EMCN: variants seen among roughly 807,000 people sequenced by gnomAD.
The protein encoded by EMCN is MUC-14.
A neutral mutation model predicts 38.4 loss-of-function variants in EMCN; 37 were observed. The ratio of observed to expected loss-of-function variants is 0.96; its 90% CI spans 0.74 to 1.27. EMCN has a LOEUF of 1.27. Ranked by LOEUF, EMCN falls within the 50% of genes most tolerant of loss-of-function variation. The probability of loss-of-function intolerance (pLI) is 0.00; values close to 1 mark genes in which losing one functional copy is unlikely to be tolerated. For synonymous variants in EMCN, 95 were observed against 100.8 expected, an observed-to-expected ratio of 0.94 and a Z score of 0.35; for missense variants, 318 against 302.8, an observed-to-expected ratio of 1.05 and a Z score of -0.37.
intron 11 of EMCN, among the ~76,000 whole-genome samples, chr4:100,404,542 G>A (rs909289726): frequency 5.3e-5 from 8 of 151,710 alleles, no homozygotes; most frequent in African/African-American, 1.7e-4. Flanking sequence ...ATTATTTCAG[G>A]GCTCTCTAAC....
At chr4:100,507,432 C>CT (rs1262041259) in intron 1 of EMCN, among the ~76,000 whole-genome samples, 2 of 152,150 alleles carry the variant, frequency 1.3e-5, no homozygotes, top group East Asian at 1.9e-4. Flanking sequence ...GCCCTAGACT[C>CT]TAACACTTTC....
chr4:100,443,308 C>T (rs1727574627), intron 5 of EMCN, among the ~76,000 whole-genome samples: 1 of 152,224 alleles, frequency 6.6e-6, no homozygotes, highest in Non-Finnish European at 1.5e-5. Flanking sequence ...GATGTAGTTT[C>T]CTTTTTCAAA....
At chr4:100,433,385 G>A (rs866360836) in intron 5 of EMCN, among the ~76,000 whole-genome samples, 14 of 151,980 alleles carry the variant, frequency 9.2e-5, no homozygotes, top group Admixed American at 2.0e-4. Context: ...TAGTTTCTAC[G>A]TCTTGGCTGT....
At chr4:100,437,531 G>C (rs1727390729) in intron 5 of EMCN, among the ~76,000 whole-genome samples, 1 of 151,394 alleles carries the variant, frequency 6.6e-6, no homozygotes, top group Non-Finnish European at 1.5e-5. Context: ...GAGTTTTATA[G>C]TTTCTGGTCT....
At chr4:100,479,875 A>G (rs761831809) in intron 2 of EMCN, 42 bp downstream of exon 2, 24 of 1,548,448 alleles carry the variant, frequency 1.5e-5, no homozygotes, top group Non-Finnish European at 2.1e-5. Flanking sequence ...TACTAATTTT[A>G]TTTGTTAAAG....
At chr4:100,497,829 G>T (rs192541878) in intron 1 of EMCN, among the ~76,000 whole-genome samples, 2 of 151,838 alleles carry the variant, frequency 1.3e-5, no homozygotes, top group African/African-American at 4.8e-5. Flanking sequence ...AAACAAAAGA[G>T]CAAAAAAGAT....
intron 3 of EMCN, among the ~76,000 whole-genome samples, chr4:100,473,045 T>C (rs1038819846): frequency 1.4e-5 from 2 of 147,458 alleles, no homozygotes; most frequent in African/African-American, 4.9e-5. Flanking sequence ...AGGTGGAGTT[T>C]ATTCTGTCGC....
chr4:100,449,362 C>CT (rs1727775359), intron 4 of EMCN, among the ~76,000 whole-genome samples: 1 of 151,946 alleles, frequency 6.6e-6, no homozygotes, highest in Non-Finnish European at 1.5e-5. Flanking sequence ...AAATTAATTT[C>CT]TTAAGGAAAA....
chr4:100,431,273 C>T (rs1369703326), intron 5 of EMCN, among the ~76,000 whole-genome samples: 2 of 152,154 alleles, frequency 1.3e-5, no homozygotes, highest in African/African-American at 4.8e-5. Context: ...ACGCTAGTTG[C>T]TGTAGGAATA....
intron 2 of EMCN, among the ~76,000 whole-genome samples, chr4:100,478,717 A>T (rs1728726714): frequency 6.6e-6 from 1 of 152,176 alleles, no homozygotes; most frequent in South Asian, 2.1e-4. Context: ...TAAAAAGTAA[A>T]ACTTCTCTGA....
intron 1 of EMCN, among the ~76,000 whole-genome samples, chr4:100,493,905 T>G (rs1729147072): frequency 6.6e-6 from 1 of 152,218 alleles, no homozygotes; most frequent in Non-Finnish European, 1.5e-5. Context: ...TCAGAGACTT[T>G]CTTCAAACAT....
Position 100,490,100 on chromosome 4 carries a change from T to C in EMCN, c.65-10061A>G, listed in dbSNP as rs564246859. 4.6e-5 allele frequency among the ~76,000 whole-genome samples: 7 copies of C among 151,952 alleles called. No individual in the cohort carries two copies. The South Asian group carries it at 1.2e-3, about 27-fold the overall frequency. On this transcript the variant is annotated intron_variant, in intron 1 of 11. Coordinates refer to ENST00000296420, the MANE Select transcript of EMCN (RefSeq NM_016242.4). ...GATGTGGAGGTGAAAGAGAGTGATATTGATGATCATAGCCCTGTGTATGGC... is the reference window on the plus strand; with the variant it reads ...GATGTGGAGGTGAAAGAGAGTGATACTGATGATCATAGCCCTGTGTATGGC...
At chr4:100,490,949 C>G (rs1729062145) in intron 1 of EMCN, among the ~76,000 whole-genome samples, 1 of 152,042 alleles carries the variant, frequency 6.6e-6, no homozygotes, top group Non-Finnish European at 1.5e-5. Context: ...TATCTGTTGG[C>G]CATTTATATG....
At chr4:100,475,430 T>C (rs1334060980) in intron 2 of EMCN, among the ~76,000 whole-genome samples, 2 of 151,790 alleles carry the variant, frequency 1.3e-5, no homozygotes, top group African/African-American at 4.8e-5. Flanking sequence ...TTCTAAATTC[T>C]AATGTTTAAA....
intron 1 of EMCN, among the ~76,000 whole-genome samples, chr4:100,516,359 AG>A (rs1729756100): frequency 6.6e-6 from 1 of 152,000 alleles, no homozygotes; most frequent in Non-Finnish European, 1.5e-5. Flanking sequence ...ATGCCGGCAA[AG>A]TATTGCACTC....
chr4:100,464,478 AG>A (rs1023751892), intron 4 of EMCN, among the ~76,000 whole-genome samples: 12 of 152,108 alleles, frequency 7.9e-5, no homozygotes, highest in African/African-American at 2.4e-4. Context: ...CCAGATCTTA[AG>A]GGGAAAACAT....
rs569539960 is a variant in EMCN, at chr4:100,413,755, C to T, written c.751+2143G>A. Among the ~76,000 whole-genome samples, 318 of 152,290 alleles carry T rather than the reference C, an allele frequency of 2.1e-3. 1 individual carries two copies. The highest frequency in any genetic ancestry group is 3.1e-3 in the Non-Finnish European group (213 of 68,018). On this transcript the variant is annotated intron_variant, in intron 10 of 11. Transcript: ENST00000296420. The stretch of plus-strand genomic sequence containing the variant: ...AGAGGTTATTTTGGTAAAAGCAATA[C>T]AATTTCTAAATTGAAGTTGGCAGAA...
chr4:100,429,970 A>G (rs1727152765), intron 5 of EMCN, among the ~76,000 whole-genome samples: 1 of 152,178 alleles, frequency 6.6e-6, no homozygotes, highest in South Asian at 2.1e-4. Context: ...TAGATTTTAA[A>G]TGTTTATCTT....
At chr4:100,478,156 C>A (rs11936927) in intron 2 of EMCN, among the ~76,000 whole-genome samples, 1 of 152,002 alleles carries the variant, frequency 6.6e-6, no homozygotes, top group South Asian at 2.1e-4. Context: ...ATTTGCCTAA[C>A]GGCTTTCTCA....
Sources: gnomAD v4.1 joint callset for allele counts (sites outside exome capture counted in the v4.1 genomes callset) on GRCh38, gnomAD v4.1.1 for gene constraint, MANE v1.5 for transcripts, NCBI Gene and HGNC (gene_info 2026-07-23, HGNC 2026-07-21) for gene names.